The following TPCN1 variants were observed in gnomAD, a reference collection of about 807,000 sequenced individuals.
The protein encoded by TPCN1 is two pore channel protein 1.
TPCN1 carries 52 observed loss-of-function variants against 108.8 expected under a neutral mutation model. The ratio of observed to expected loss-of-function variants is 0.48; its 90% CI spans 0.38 to 0.60. The LOEUF (loss-of-function observed/expected upper bound fraction) is 0.60, where lower values mean the gene tolerates loss of function less well. TPCN1 is among the 20% of genes least tolerant of loss of function. The probability of loss-of-function intolerance (pLI) is 0.00; values close to 1 mark genes in which losing one functional copy is unlikely to be tolerated. For missense variants in TPCN1, 806 were observed against 1,072.8 expected, an observed-to-expected ratio of 0.75 and a Z score of 3.47; for synonymous variants, 446 against 433.7, an observed-to-expected ratio of 1.03 and a Z score of -0.35.
chr12:113,222,129 C>G (rs1953259039), intron 1 of TPCN1, among the ~76,000 whole-genome samples: 1 of 152,188 alleles, frequency 6.6e-6, no homozygotes, highest in Non-Finnish European at 1.5e-5. Flanking sequence ...GGTTCTAGCC[C>G]TACTCCTCCA....
chr12:113,224,927 C>G (rs534621995), intron 1 of TPCN1, among the ~76,000 whole-genome samples: 6 of 151,818 alleles, frequency 4.0e-5, no homozygotes, highest in Non-Finnish European at 8.8e-5. Context: ...ATTTTTGTAT[C>G]TTTAATAGAG....
chr12:113,248,135 C>T (rs1954474448), intron 2 of TPCN1, among the ~76,000 whole-genome samples: 1 of 152,256 alleles, frequency 6.6e-6, no homozygotes, highest in Admixed American at 6.5e-5. Context: ...TTTGGCGCTG[C>T]CCACTGCACC....
intron 2 of TPCN1, among the ~76,000 whole-genome samples, chr12:113,235,982 T>C (rs1156898952): frequency 6.6e-6 from 1 of 151,606 alleles, no homozygotes; most frequent in Non-Finnish European, 1.5e-5. Flanking sequence ...AGTCAGAGGG[T>C]TGGGGAGAAA....
chr12:113,240,807 C>T (rs1425889503), intron 2 of TPCN1, among the ~76,000 whole-genome samples: 2 of 149,674 alleles, frequency 1.3e-5, no homozygotes, highest in African/African-American at 4.9e-5. Context: ...AGTGCAGAGG[C>T]ACAATTTCGG....
intron 10 of TPCN1, among the ~76,000 whole-genome samples, chr12:113,276,136 AT>A (rs1378782486): frequency 6.6e-6 from 1 of 152,216 alleles, no homozygotes; most frequent in Non-Finnish European, 1.5e-5. Context: ...AGCAGAGATC[AT>A]TTGGCCTTCA....
Position 113,273,812 on chromosome 12 carries a change from G to A in TPCN1, c.942+144G>A, listed in dbSNP as rs1955585647. ...CAGGAAGTCCCAGATTCATAGTCAGGTGCGGTGTTGCAGGGAATGCCCTGT... is the reference window on the plus strand; with the variant it reads ...CAGGAAGTCCCAGATTCATAGTCAGATGCGGTGTTGCAGGGAATGCCCTGT... On this transcript the variant is annotated intron_variant, in intron 10 of 27. Coordinates refer to ENST00000335509, the MANE Select transcript of TPCN1 (RefSeq NM_017901.6). The surrounding 1 kb of genome is among the most constrained non-coding windows in gnomAD (Gnocchi z 4.0). 1.3e-6 allele frequency: 1 copy of A among 766,688 alleles called. No individual in the cohort carries two copies. The highest frequency in any genetic ancestry group is 2.3e-6 in the Non-Finnish European group (1 of 439,434). 47.5% of individuals were successfully genotyped at this position (766,688 alleles called of 1,614,324 possible).
In TPCN1 at chr12:113,296,281, G is replaced by T; in HGVS notation, c.*205G>T. ...TCCAGAAGCCAGTTTGGTGAGGGGT[G>T]GGGGTGCGGCCACCAGGTCTGAGCT... On this transcript the variant is annotated 3_prime_UTR_variant, in exon 28 of 28. Coordinates refer to ENST00000335509, the MANE Select transcript of TPCN1 (RefSeq NM_017901.6). 1.3e-6 allele frequency: 1 copy of T among 744,010 alleles called. No homozygotes were observed. The highest frequency in any genetic ancestry group is 3.0e-5 in the Admixed American group (1 of 33,868). 46.1% of individuals were successfully genotyped at this position (744,010 alleles called of 1,614,324 possible). A position where few individuals can be genotyped will look rare whatever the true frequency, so the allele number is the denominator to read the frequency against.
chr12:113,253,778 C>T (rs562070180), intron 2 of TPCN1, among the ~76,000 whole-genome samples: 1 of 152,358 alleles, frequency 6.6e-6, no homozygotes, highest in South Asian at 2.1e-4. Flanking sequence ...AGAAACACAG[C>T]TTCTACCTGT....
chr12:113,273,248 AG>A lies in TPCN1; in HGVS notation c.801del (p.Asn268ThrfsTer10), dbSNP rs1352681108. On this transcript the variant is annotated frameshift_variant, in exon 9 of 28. Coordinates refer to ENST00000335509, the MANE Select transcript of TPCN1 (RefSeq NM_017901.6). LOFTEE classifies it high-confidence loss of function. The surrounding 1 kb of genome is among the most constrained non-coding windows in gnomAD (Gnocchi z 4.0). ...NPSDPYFSTL[E>X]NSIVSLFVLL... ...CCCTTGCAGTACTTCAGCACCCTGG[AG>A]AACAGCATCGTCAGTCTGTTTGTCC... The A allele has an allele frequency of 6.2e-7, 1 of 1,614,118 alleles. No individual in the cohort carries two copies. Among genetic ancestry groups the A allele is most frequent in the Non-Finnish European group, 8.5e-7 (1 of 1,180,060 alleles).
At chr12:113,275,730 G>A (rs1450041799) in intron 10 of TPCN1, among the ~76,000 whole-genome samples, 1 of 151,666 alleles carries the variant, frequency 6.6e-6, no homozygotes, top group African/African-American at 2.4e-5. Flanking sequence ...CCGCCACCAC[G>A]CCCGGCTAAT....
chr12:113,265,502 G>A (rs1276373173), intron 3 of TPCN1, among the ~76,000 whole-genome samples: 2 of 151,806 alleles, frequency 1.3e-5, no homozygotes, highest in Non-Finnish European at 2.9e-5. Flanking sequence ...GATTGGACAT[G>A]CCTGTTTCTC....
chr12:113,242,707 G>A (rs1424169522), intron 2 of TPCN1, among the ~76,000 whole-genome samples: 1 of 152,162 alleles, frequency 6.6e-6, no homozygotes, highest in Non-Finnish European at 1.5e-5. Context: ...TGCTGTTGAA[G>A]TCTCTGTGCT....
chr12:113,291,799 C>A, intron 24 of TPCN1, 75 bp from the exon 25 acceptor site: 2 of 1,563,042 alleles, frequency 1.3e-6, no homozygotes, highest in African/African-American at 1.4e-5. Flanking sequence ...CTCTGTTGGG[C>A]GTGGGCTGCG....
chr12:113,290,942 C>CG lies in TPCN1; in HGVS notation c.1913-10_1913-9insG. On this transcript the variant is annotated splice_polypyrimidine_tract_variant and intron_variant, in intron 22 of 27. Transcript: ENST00000335509. ...TCATCAGGATGCTTCTTTCTCTCTT[C>CG]CCTCGGCAGTGACCCTGTTTGAGCT... 1.2e-6 allele frequency: 2 copies of CG among 1,613,694 alleles called. No individual in the cohort carries two copies. Among genetic ancestry groups the CG allele is most frequent in the South Asian group, 1.1e-5 (1 of 91,084 alleles).
Position 113,273,691 on chromosome 12 carries a change from A to G in TPCN1, c.942+23A>G. ...CTGGTGAGTGACTATGCCTCAGGCT[A>G]CGCTGAAGCAGCCTGCCCCTACCCA... On this transcript the variant is annotated intron_variant, in intron 10 of 27. Transcript: ENST00000335509. This position sits in a 1 kb window ranked among gnomAD's most constrained non-coding sequence, Gnocchi z 4.0. The G allele has an allele frequency of 1.3e-6, 2 of 1,582,250 alleles. No individual in the cohort carries two copies. The highest frequency in any genetic ancestry group is 1.7e-6 in the Non-Finnish European group (2 of 1,151,344).
rs780088192 is a variant in TPCN1, at chr12:113,268,378, C to T, written c.529-364C>T. ...CATTTTGTAGTGTGTGGAGCATGTGCGCTACTCTAGGAGAATATAGCCAAG... is the reference window on the plus strand; with the variant it reads ...CATTTTGTAGTGTGTGGAGCATGTGTGCTACTCTAGGAGAATATAGCCAAG... On this transcript the variant is annotated intron_variant, in intron 5 of 27. Coordinates refer to ENST00000335509, the MANE Select transcript of TPCN1 (RefSeq NM_017901.6). This position sits in a 1 kb window ranked among gnomAD's most constrained non-coding sequence, Gnocchi z 7.3. 4.6e-5 allele frequency among the ~76,000 whole-genome samples: 7 copies of T among 152,128 alleles called. No individual in the cohort carries two copies. The highest frequency in any genetic ancestry group is 1.7e-4 in the African/African-American group (7 of 41,416).
chr12:113,272,734 G>C lies in TPCN1; in HGVS notation c.783+42G>C. The C allele has an allele frequency of 6.3e-7, 1 of 1,599,010 alleles. No homozygotes were observed. Among genetic ancestry groups the C allele is most frequent in the Non-Finnish European group, 8.6e-7 (1 of 1,166,268 alleles). On this transcript the variant is annotated intron_variant, in intron 8 of 27. Coordinates refer to ENST00000335509, the MANE Select transcript of TPCN1 (RefSeq NM_017901.6). The surrounding 1 kb of genome is among the most constrained non-coding windows in gnomAD (Gnocchi z 4.1). ...TTTGTCCGTCTCTTCTTTTATGGAG[G>C]GCTTTTCCCTCAGACAGGGTCACCG...
chr12:113,287,303 G>A (rs1011163882), intron 19 of TPCN1: 6 of 568,538 alleles, frequency 1.1e-5, no homozygotes, highest in Non-Finnish European at 1.9e-5. Flanking sequence ...TGCACCAGGT[G>A]CCTCTGGGCA....
rs11066520 is a variant in TPCN1, at chr12:113,238,925, A to G, written c.112+11961A>G. 8.1e-4 allele frequency among the ~76,000 whole-genome samples: 123 copies of G among 152,096 alleles called. 1 individual carries two copies. Among genetic ancestry groups the G allele is most frequent in the Non-Finnish European group, 1.6e-3 (106 of 68,008 alleles). Reference sequence around the variant, plus strand: ...GCGAGAGGATCACTTGAGGCCAGGAATTTGAGACCAGCTTGGACAACATAG... The same window carrying G: ...GCGAGAGGATCACTTGAGGCCAGGAGTTTGAGACCAGCTTGGACAACATAG... On this transcript the variant is annotated intron_variant, in intron 2 of 27. Transcript: ENST00000335509.
Sources: allele counts gnomAD v4.1 joint callset (sites outside exome capture counted in the v4.1 genomes callset), GRCh38; gene constraint gnomAD v4.1.1; non-coding constraint Gnocchi (gnomAD v3.1); transcripts MANE v1.5; gene names NCBI Gene and HGNC (gene_info 2026-07-23, HGNC 2026-07-21).